The following DCAF8 variants were observed in gnomAD, a reference collection of about 807,000 sequenced individuals.
The protein encoded by DCAF8 is DDB1- and CUL4-associated factor 8.
In DCAF8, 20 loss-of-function variants were observed where a neutral mutation model predicts 68.0. That is an observed-to-expected ratio of 0.29 (90% CI 0.21 to 0.43). The LOEUF (loss-of-function observed/expected upper bound fraction) is 0.43. DCAF8 is among the 20% of genes least tolerant of loss of function. DCAF8 has a pLI of 1.00. For synonymous variants in DCAF8, 230 were observed against 276.9 expected (o/e 0.83, Z 1.68); for missense variants, 460 against 771.0 (o/e 0.60, Z 4.78).
At chr1:160,247,671 C>A (rs1374181788) in intron 2 of DCAF8, among the ~76,000 whole-genome samples, 1 of 152,142 alleles carries the variant, frequency 6.6e-6, no homozygotes, top group Non-Finnish European at 1.5e-5. Context: ...AATGCTCCAA[C>A]GAGTATTTCC....
At position 160,231,397 on chromosome 1, in the gene DCAF8, C is replaced by G; in HGVS notation, c.970G>C (p.Val324Leu). ...ACTTTCTTCTCTTTCTCTTTTGTCACCACCAGTTTCCTTTAAGAGTAGAAA... is the reference window on the plus strand; with the variant it reads ...ACTTTCTTCTCTTTCTCTTTTGTCAGCACCAGTTTCCTTTAAGAGTAGAAA... Reference protein sequence around the residue: ...RQDRPASKLVVTKEKEKKVGL... With the variant: ...RQDRPASKLVLTKEKEKKVGL... The change falls in exon 7 of 14, where the codon GTG becomes CTG. Residue 324 changes from valine (V) to leucine (L), a missense_variant. By Grantham distance (32) the Val-to-Leu change is conservative. This residue lies in a region of DCAF8 where 170 missense variants were observed against 318.2 expected (regional missense o/e 0.53). Transcript: ENST00000368074. 1 of 1,613,546 alleles carries G rather than the reference C, an allele frequency of 6.2e-7. No individual in the cohort carries two copies. The highest frequency in any genetic ancestry group is 8.5e-7 in the Non-Finnish European group (1 of 1,179,466).
intron 6 of DCAF8, among the ~76,000 whole-genome samples, chr1:160,235,101 A>G (rs559050058): frequency 6.6e-6 from 1 of 152,194 alleles, no homozygotes; most frequent in South Asian, 2.1e-4. Context: ...TCCCTTACTC[A>G]ATACTGGTAC....
intron 6 of DCAF8, among the ~76,000 whole-genome samples, chr1:160,236,891 G>T (rs1655916589): frequency 6.6e-6 from 1 of 152,166 alleles, no homozygotes; most frequent in Admixed American, 6.6e-5. Flanking sequence ...AAGAGCAAAA[G>T]ATCATCAAAT....
intron 6 of DCAF8, among the ~76,000 whole-genome samples, chr1:160,232,632 C>T (rs1655733338): frequency 7.0e-6 from 1 of 142,920 alleles, no homozygotes; most frequent in African/African-American, 2.6e-5. Context: ...CAGAGGGAGA[C>T]TCTGTCTCAA....
chr1:160,227,478 A>G (rs528120368), intron 7 of DCAF8, among the ~76,000 whole-genome samples: 1 of 152,212 alleles, frequency 6.6e-6, no homozygotes, highest in East Asian at 1.9e-4. Context: ...CTTGGTCTCA[A>G]ACTCCTGGCC....
intron 3 of DCAF8, 79 bp downstream of exon 3, chr1:160,243,881 G>A: frequency 2.1e-6 from 3 of 1,418,500 alleles, no homozygotes; most frequent in Admixed American, 1.8e-5. Context: ...TAAAATCCAG[G>A]CCTCCACTCT....
intron 2 of DCAF8, among the ~76,000 whole-genome samples, chr1:160,247,551 T>C (rs1259495207): frequency 6.6e-6 from 1 of 152,222 alleles, no homozygotes; most frequent in Non-Finnish European, 1.5e-5. Context: ...ACGTATCCCT[T>C]GTCCGGTGTA....
intron 2 of DCAF8, among the ~76,000 whole-genome samples, chr1:160,249,291 C>T (rs1427382495): frequency 6.6e-6 from 1 of 152,092 alleles, no homozygotes; most frequent in East Asian, 1.9e-4. Flanking sequence ...AATGAGAATC[C>T]ACTAAACACT....
At chr1:160,236,501 G>GA (rs1013508187) in intron 6 of DCAF8, among the ~76,000 whole-genome samples, 9 of 151,678 alleles carry the variant, frequency 5.9e-5, no homozygotes, top group South Asian at 2.1e-4. Flanking sequence ...CGGAGGGAGG[G>GA]AAAAAAATAT....
chr1:160,258,368 AAGAGGT>A (rs1362999998), intron 2 of DCAF8, among the ~76,000 whole-genome samples: 1 of 152,100 alleles, frequency 6.6e-6, no homozygotes, highest in African/African-American at 2.4e-5. Flanking sequence ...ACTGCACTTT[AAGAGGT>A]TGGTGGTGGG....
chr1:160,240,586 T>C (rs936723053), intron 3 of DCAF8, among the ~76,000 whole-genome samples: 2 of 152,180 alleles, frequency 1.3e-5, no homozygotes, highest in African/African-American at 2.4e-5. Flanking sequence ...ACACATAAAA[T>C]ACTTCAACAA....
chr1:160,260,639 G>A (rs1657048089), intron 2 of DCAF8, among the ~76,000 whole-genome samples: 1 of 152,006 alleles, frequency 6.6e-6, no homozygotes, highest in Non-Finnish European at 1.5e-5. Flanking sequence ...ACCAACCCAT[G>A]CTGCTGAATG....
intron 7 of DCAF8, among the ~76,000 whole-genome samples, chr1:160,229,427 C>G (rs1655593857): frequency 6.6e-6 from 1 of 152,208 alleles, no homozygotes; most frequent in Non-Finnish European, 1.5e-5. Flanking sequence ...AAGCCTTACT[C>G]TAACCCTGGG....
chr1:160,230,093 G>T (rs1365229470), intron 7 of DCAF8, among the ~76,000 whole-genome samples: 2 of 152,080 alleles, frequency 1.3e-5, no homozygotes, highest in African/African-American at 4.8e-5. Flanking sequence ...TGAAGGCATG[G>T]GAATAGGGGA....
Position 160,225,089 on chromosome 1 carries a change from AG to A in DCAF8, c.1173del (p.Cys392ValfsTer46). 6.2e-7 allele frequency: 1 copy of A among 1,614,218 alleles called. No homozygotes were observed. The highest frequency in any genetic ancestry group is 8.5e-7 in the Non-Finnish European group (1 of 1,180,034). On this transcript the variant is annotated frameshift_variant, in exon 9 of 14. Transcript: ENST00000368074. LOFTEE classifies it high-confidence loss of function. ...GTGCCGTCGTGGCTGTACACAAGAC[AG>A]GTGATGTTTGCTTTGGACTCACTGT... is the stretch of plus-strand genomic sequence containing the variant. Reference protein sequence around the residue: ...LVNSESKANITCLVYSHDGTE... With the variant: ...LVNSESKANIXCLVYSHDGTE...
chr1:160,239,453 G>C, intron 4 of DCAF8: 1 of 1,440,520 alleles, frequency 6.9e-7, no homozygotes, highest in Non-Finnish European at 9.1e-7. Flanking sequence ...CCTCCTACCA[G>C]CACACATTTA....
At chr1:160,246,979 A>G (rs1656365760) in intron 2 of DCAF8, among the ~76,000 whole-genome samples, 1 of 152,138 alleles carries the variant, frequency 6.6e-6, no homozygotes, top group Admixed American at 6.5e-5. Context: ...AAAAATAAAA[A>G]ATCTTTTCCA....
In DCAF8 at chr1:160,218,339, C is replaced by T; in HGVS notation, c.1662G>A (p.Gln554=). 6.2e-7 allele frequency: 1 copy of T among 1,614,026 alleles called. No homozygotes were observed. The highest frequency in any genetic ancestry group is 8.5e-7 in the Non-Finnish European group (1 of 1,179,852). Residue 554 remains glutamine, a synonymous_variant, in exon 13 of 14, where the codon CAG becomes CAA. Transcript: ENST00000368074. ...MLWFLMHHLR[Q]RRHHRRWREP... ...CCTAGCTTACCCGGTGATGGCGTCT[C>T]TGTCTCAGGTGATGCATAAGGAACC...
chr1:160,217,584 A>G lies in DCAF8; in HGVS notation c.*8T>C. ...CAGCCCCAGCCTGCCCCACCTAGGT[A>G]TGAGGCCTCAAGATGGCATGCACTG... is the stretch of plus-strand genomic sequence containing the variant. On this transcript the variant is annotated 3_prime_UTR_variant, in exon 14 of 14. Coordinates refer to ENST00000368074, the MANE Select transcript of DCAF8 (RefSeq NM_015726.4). The G allele has an allele frequency of 6.3e-7, 1 of 1,583,582 alleles. No individual in the cohort carries two copies.
Sources: gnomAD v4.1 joint callset for allele counts (sites outside exome capture counted in the v4.1 genomes callset) on GRCh38, gnomAD v4.1.1 for gene constraint, gnomAD v4.1.1 regional missense constraint, MANE v1.5 for transcripts, NCBI Gene and HGNC (gene_info 2026-07-23, HGNC 2026-07-21) for gene names.